The following LAMB3 variants were observed in gnomAD, a reference collection of about 807,000 sequenced individuals.
LAMB3 encodes the protein laminin subunit beta 3.
In LAMB3, 104 loss-of-function variants were observed where a neutral mutation model predicts 140.3. That is an observed-to-expected ratio of 0.74 (90% CI 0.63 to 0.87). LAMB3 has a LOEUF of 0.87. LAMB3 is among the 40% of genes least tolerant of loss of function. LAMB3 has a pLI of 0.00. For missense variants in LAMB3, 1,531 were observed against 1,575.2 expected, an observed-to-expected ratio of 0.97 and a Z score of 0.47; for synonymous variants, 592 against 602.9, an observed-to-expected ratio of 0.98 and a Z score of 0.26.
intron 3 of LAMB3, among the ~76,000 whole-genome samples, chr1:209,645,715 C>T (rs1400609952): frequency 3.8e-5 from 4 of 106,082 alleles, no homozygotes; most frequent in Non-Finnish European, 7.2e-5. Context: ...GACTCTGTGT[C>T]CCAGGGGAAA....
At chr1:209,645,070 C>T (rs2236897) in intron 3 of LAMB3, among the ~76,000 whole-genome samples, 24,565 of 152,182 alleles carry the variant, frequency 0.16, 2,101 homozygotes, top group African/African-American at 0.2. Flanking sequence ...ACAAGGCCTA[C>T]CCCTTAGCCC....
intron 12 of LAMB3, among the ~76,000 whole-genome samples, 169 bp downstream of exon 12, chr1:209,627,214 C>T (rs562523395): frequency 6.6e-6 from 1 of 152,284 alleles, no homozygotes; most frequent in African/African-American, 2.4e-5. Flanking sequence ...CGGCCAAGAG[C>T]CACAGAGGGA....
At chr1:209,627,734 C>T (rs1180529790) in intron 11 of LAMB3, among the ~76,000 whole-genome samples, 155 bp from the exon 12 acceptor site, 1 of 152,204 alleles carries the variant, frequency 6.6e-6, no homozygotes, top group African/African-American at 2.4e-5. Context: ...CCTGCGCTGT[C>T]CCACCAGTTC....
chr1:209,645,543 C>T (rs905824630), intron 3 of LAMB3, among the ~76,000 whole-genome samples: 1 of 152,186 alleles, frequency 6.6e-6, no homozygotes, highest in South Asian at 2.1e-4. Context: ...TGGTGAAACC[C>T]TGTCTCTACT....
At position 209,650,070 on chromosome 1, in the gene LAMB3, C is replaced by G. The variant is rs2076552086; in HGVS notation, c.77G>C (p.Cys26Ser). ...AAGCAGGTCCCCAACAGGTGGATAG[C>G]AGGCCCCACGGGAGCAGGCTTGTTG... is the stretch of plus-strand genomic sequence containing the variant. ...HAQQACSRGA[C>S]YPPVGDLLVG... The change falls in exon 3 of 23, where the codon TGC becomes TCC. Residue 26 changes from cysteine (C) to serine (S), a missense_variant. Transcript: ENST00000356082. The G allele has an allele frequency of 6.2e-7, 1 of 1,613,986 alleles. No individual in the cohort carries two copies. Among genetic ancestry groups the G allele is most frequent in the African/African-American group, 1.3e-5 (1 of 74,894 alleles).
rs1244998532 is a variant in LAMB3 at position 209,649,998 on chromosome 1, G to C, written c.149C>G (p.Thr50Ser). Residue 50 changes from threonine to serine, a missense_variant, in exon 3 of 23, where the codon ACC becomes AGC. Thr to Ser is a moderately conservative substitution (Grantham distance 58). Transcript: ENST00000356082. The part of the protein sequence containing the change: ...FLRASSTCGL[T>S]KPETYCTQYG... ...CTGGGTGCAGTAGGTCTCAGGCTTGGTCAGTCCACAGGTAGATGAAGCTCG... is the reference window on the plus strand; with the variant it reads ...CTGGGTGCAGTAGGTCTCAGGCTTGCTCAGTCCACAGGTAGATGAAGCTCG... The C allele has an allele frequency of 6.2e-7, 1 of 1,614,186 alleles. No homozygotes were observed.
intron 13 of LAMB3, among the ~76,000 whole-genome samples, chr1:209,626,644 C>T (rs188387732): frequency 1.3e-5 from 2 of 152,370 alleles, no homozygotes; most frequent in African/African-American, 4.8e-5. Flanking sequence ...AAGCAACCAG[C>T]ATGTCACGGG....
intron 21 of LAMB3, 124 bp from the exon 22 acceptor site, chr1:209,616,748 A>G (rs879912970): frequency 3.4e-5 from 31 of 919,478 alleles, no homozygotes; most frequent in Non-Finnish European, 4.7e-5. Context: ...TTAGCCCCCA[A>G]TAGCATTGGT....
In LAMB3 at chr1:209,627,728, C is replaced by T. The variant is rs560206136; in HGVS notation, c.1289-149G>A. The stretch of plus-strand genomic sequence containing the variant: ...ACATGGCTGACTCACAGGACCCCTG[C>T]GCTGTCCCACCAGTTCCAGCCACCT... On this transcript the variant is annotated intron_variant, in intron 11 of 22. Coordinates refer to ENST00000356082, the MANE Select transcript of LAMB3 (RefSeq NM_000228.3). 2.3e-4 allele frequency: 185 copies of T among 813,348 alleles called. 1 individual carries two copies. In the East Asian group the frequency reaches 4.0e-3, roughly 18 times the overall value. 50.4% of individuals were successfully genotyped at this position (813,348 alleles called of 1,614,324 possible).
At chr1:209,640,643 A>G (rs2076460356) in intron 3 of LAMB3, among the ~76,000 whole-genome samples, 2 of 151,832 alleles carry the variant, frequency 1.3e-5, no homozygotes, top group Non-Finnish European at 2.9e-5. Flanking sequence ...TATTTTTTTC[A>G]TAGTACATAT....
intron 1 of LAMB3, among the ~76,000 whole-genome samples, chr1:209,651,668 G>A (rs1267776487): frequency 6.6e-6 from 1 of 152,226 alleles, no homozygotes; most frequent in African/African-American, 2.4e-5. Context: ...GGGGCTGGGA[G>A]GCCACAAAGC....
rs971647274 is a variant in LAMB3, at chr1:209,615,195, G to A, written c.*76C>T. Reference sequence around the variant, plus strand: ...CATGAAAGTCTCCTGGAGATGGAAAGCATTCCAACCCAATCTGCCCCCAAC... The same window carrying A: ...CATGAAAGTCTCCTGGAGATGGAAAACATTCCAACCCAATCTGCCCCCAAC... On this transcript the variant is annotated 3_prime_UTR_variant, in exon 23 of 23. Coordinates refer to ENST00000356082, the MANE Select transcript of LAMB3 (RefSeq NM_000228.3). 3.8e-6 allele frequency: 6 copies of A among 1,593,972 alleles called. No individual in the cohort carries two copies. The South Asian group carries it at 6.6e-5, about 18-fold the overall frequency.
At chr1:209,625,542 T>C (rs774966821) in intron 14 of LAMB3, 106 bp downstream of exon 14, 32 of 1,420,548 alleles carry the variant, frequency 2.3e-5, no homozygotes, top group Non-Finnish European at 3.2e-5. Flanking sequence ...TGAAAATGCC[T>C]TTAAACTGTA....
rs553704708 is a variant in LAMB3, at chr1:209,623,796, G to A, written c.2137+44C>T. ...GGAGAGGGGGTGGCATGCCCACCAC[G>A]GCAGTGCCCATGCCCGGGGTTATCC... is the stretch of plus-strand genomic sequence containing the variant. On this transcript the variant is annotated intron_variant, in intron 15 of 22. Coordinates refer to ENST00000356082, the MANE Select transcript of LAMB3 (RefSeq NM_000228.3). The surrounding 1 kb of genome is among the most constrained non-coding windows in gnomAD (Gnocchi z 4.2). 53 of 1,613,452 alleles carry A rather than the reference G, an allele frequency of 3.3e-5. No individual in the cohort carries two copies. Among genetic ancestry groups the A allele is most frequent in the Admixed American group, 6.7e-5 (4 of 60,036 alleles).
intron 14 of LAMB3, 134 bp downstream of exon 14, chr1:209,625,514 T>C (rs556991887): frequency 2.0e-4 from 234 of 1,181,996 alleles, no homozygotes; most frequent in East Asian, 4.7e-4. Flanking sequence ...GTTGTAATGG[T>C]TGAAAGAGAG....
intron 18 of LAMB3, among the ~76,000 whole-genome samples, chr1:209,619,979 G>A (rs1666128615): frequency 2.0e-5 from 3 of 152,150 alleles, no homozygotes; most frequent in Non-Finnish European, 1.5e-5. Context: ...AATAGAGCTC[G>A]TCAACCTCTC....
intron 1 of LAMB3, 32 bp from the exon 2 acceptor site, chr1:209,651,013 A>G: frequency 1.4e-6 from 2 of 1,395,864 alleles, no homozygotes; most frequent in Admixed American, 1.7e-5. Context: ...TGGGTACAAC[A>G]GTGCAAACCC....
At chr1:209,629,978 C>T (rs1257856801) in intron 9 of LAMB3, 53 bp from the exon 10 acceptor site, 4 of 1,550,548 alleles carry the variant, frequency 2.6e-6, no homozygotes, top group Non-Finnish European at 2.7e-6. Flanking sequence ...TTGCTATCTA[C>T]AGAGCATGCT....
At chr1:209,631,366 T>A (rs1305929867) in intron 8 of LAMB3, among the ~76,000 whole-genome samples, 1 of 152,226 alleles carries the variant, frequency 6.6e-6, no homozygotes, top group Non-Finnish European at 1.5e-5. Context: ...CTCCACCTTT[T>A]GGCCTTTAGC....
Sources: allele counts gnomAD v4.1 joint callset (sites outside exome capture counted in the v4.1 genomes callset), GRCh38; gene constraint gnomAD v4.1.1; non-coding constraint Gnocchi (gnomAD v3.1); transcripts MANE v1.5; gene names NCBI Gene and HGNC (gene_info 2026-07-23, HGNC 2026-07-21).